Variants in SCML2 observed in about 807,000 individuals in gnomAD.
SCML2 encodes sex comb on midleg-like protein 2.
A neutral mutation model predicts 48.4 loss-of-function variants in SCML2; 6 were observed. That is an observed-to-expected ratio of 0.12 (90% CI 0.07 to 0.24). The LOEUF is 0.24. Ranked by LOEUF, SCML2 falls within the 10% of genes least tolerant of loss-of-function variation. The probability of loss-of-function intolerance (pLI) is 1.00; values close to 1 mark genes in which losing one functional copy is unlikely to be tolerated. For missense variants in SCML2, 377 were observed against 528.2 expected (o/e 0.71, Z 2.81); for synonymous variants, 181 against 189.5 (o/e 0.95, Z 0.37).
At chrX:18,329,939 G>A (rs1362172280) in intron 3 of SCML2, among the ~76,000 whole-genome samples, 12 of 111,913 alleles carry the variant, frequency 1.1e-4, no homozygotes, top group South Asian at 7.5e-4. Context: ...CTAGCCAGGC[G>A]TGGTGGTGCA....
intron 3 of SCML2, among the ~76,000 whole-genome samples, chrX:18,325,395 T>C (rs1929449131): frequency 3.6e-5 from 4 of 111,961 alleles, no homozygotes; most frequent in Admixed American, 2.9e-4. Flanking sequence ...TTGTTATTCA[T>C]GGGGAGCTAA....
chrX:18,251,752 T>C (rs1051583693), intron 11 of SCML2, among the ~76,000 whole-genome samples: 1 of 112,352 alleles, frequency 8.9e-6, no homozygotes. Flanking sequence ...GAGTTAACCA[T>C]ATGACCCAAC....
At chrX:18,241,514 T>C (rs1198129229) in intron 14 of SCML2, 135 bp from the exon 15 acceptor site, 4 of 380,105 alleles carry the variant, frequency 1.1e-5, no homozygotes, top group Non-Finnish European at 1.7e-5. Context: ...CTGAAAACTA[T>C]TAAAAATATA....
At chrX:18,243,084 GTTTT>G (rs1327490117) in intron 13 of SCML2, among the ~76,000 whole-genome samples, 1 of 111,124 alleles carries the variant, frequency 9.0e-6, no homozygotes, top group African/African-American at 3.3e-5. Flanking sequence ...TGTTGTTTTG[GTTTT>G]TTTGAGACAG....
rs766335036 is a variant in SCML2, at chrX:18,242,408, G to A, written c.1974+31C>T. ...CACAGAGGTCATTCAAAGGCATTACGGCAGGAAAACCGGATCAAAAGATAC... is the reference window on the plus strand; with the variant it reads ...CACAGAGGTCATTCAAAGGCATTACAGCAGGAAAACCGGATCAAAAGATAC... On this transcript the variant is annotated intron_variant, in intron 14 of 14. Transcript: ENST00000251900. 1.1e-5 allele frequency: 13 copies of A among 1,162,863 alleles called. No homozygotes were observed. The East Asian group carries it at 2.5e-4, about 22-fold the overall frequency.
At chrX:18,335,163 C>T (rs1267176142) in intron 1 of SCML2, among the ~76,000 whole-genome samples, 1 of 110,396 alleles carries the variant, frequency 9.1e-6, no homozygotes, top group Admixed American at 9.7e-5. Context: ...AGTGAAGGTA[C>T]TTACCGACTC....
intron 1 of SCML2, among the ~76,000 whole-genome samples, chrX:18,336,473 A>G (rs937392303): frequency 9.5e-6 from 1 of 105,748 alleles, no homozygotes; most frequent in African/African-American, 3.5e-5. Context: ...ACGGTAGCTC[A>G]TGCCTGTAAT....
chrX:18,284,195 C>T (rs748138523), intron 7 of SCML2, among the ~76,000 whole-genome samples: 4 of 111,976 alleles, frequency 3.6e-5, no homozygotes, highest in African/African-American at 9.7e-5. Flanking sequence ...AATGGTGCTG[C>T]GATAAGTGGC....
At chrX:18,351,269 C>CAA (rs377260885) in intron 1 of SCML2, among the ~76,000 whole-genome samples, 3 of 90,872 alleles carry the variant, frequency 3.3e-5, no homozygotes, top group African/African-American at 7.9e-5. Context: ...GAGCCCATCT[C>CAA]AAAAAAAAAA....
At chrX:18,308,648 T>C (rs1476802318) in intron 6 of SCML2, among the ~76,000 whole-genome samples, 1 of 110,281 alleles carries the variant, frequency 9.1e-6, no homozygotes, top group East Asian at 2.9e-4. Flanking sequence ...CAAATGTTGG[T>C]GAGAAAGCAT....
chrX:18,339,112 C>T (rs1301830502), intron 1 of SCML2, among the ~76,000 whole-genome samples: 1 of 110,804 alleles, frequency 9.0e-6, no homozygotes, highest in Non-Finnish European at 1.9e-5. Context: ...TATGTTCCAA[C>T]TTGGATTTCC....
chrX:18,242,586 T>C lies in SCML2; in HGVS notation c.1827A>G (p.Pro609=). 8.3e-7 allele frequency: 1 copy of C among 1,203,421 alleles called. No homozygotes were observed. Among genetic ancestry groups the C allele is most frequent in the Admixed American group, 2.3e-5 (1 of 43,817 alleles). ...KFQMQRKSEA[P]SYIAVPDPSV... is the part of the protein sequence containing the mutation. ...TGGGATCAGGTACAGCTATATAACTTGGAGCTTCAATGGGGGGGAAAAAAG... is the reference window on the plus strand; with the variant it reads ...TGGGATCAGGTACAGCTATATAACTCGGAGCTTCAATGGGGGGGAAAAAAG... The change falls in exon 14 of 15, where the codon CCA becomes CCG. Residue 609 remains proline, a synonymous_variant. Transcript: ENST00000251900.
chrX:18,314,558 C>T (rs1484029776), intron 6 of SCML2, among the ~76,000 whole-genome samples: 1 of 111,890 alleles, frequency 8.9e-6, no homozygotes, highest in Non-Finnish European at 1.9e-5. Flanking sequence ...AGAGACACCT[C>T]AACACGTTCA....
intron 5 of SCML2, among the ~76,000 whole-genome samples, chrX:18,322,294 A>C (rs1405063739): frequency 8.9e-6 from 1 of 112,293 alleles, no homozygotes; most frequent in Non-Finnish European, 1.9e-5. Flanking sequence ...AACAAAGTCT[A>C]AGAATTTTAT....
Position 18,354,470 on chromosome X carries a change from G to A in SCML2, c.-25+122C>T, listed in dbSNP as rs1033188138. The A allele has an allele frequency of 7.9e-5, 18 of 227,931 alleles. No homozygotes were observed. In the East Asian group the frequency reaches 1.2e-3, roughly 15 times the overall value. The allele number at this position is 227,931 out of a possible 1,213,427, so 18.8% of individuals were successfully genotyped here. ...GATGGGACATAGGCGGGATCGTAAG[G>A]GGGCGTTCCTCGCACGGGACGCGCG... On this transcript the variant is annotated intron_variant, in intron 1 of 14. Transcript: ENST00000251900.
chrX:18,260,069 T>C lies in SCML2; in HGVS notation c.1069+102A>G, dbSNP rs190259887. 1.3e-5 allele frequency: 7 copies of C among 543,405 alleles called. No individual in the cohort carries two copies. In the Admixed American group the frequency reaches 2.9e-4, roughly 22 times the overall value. 44.8% of individuals were successfully genotyped at this position (543,405 alleles called of 1,213,427 possible). A position where few individuals can be genotyped will look rare whatever the true frequency, so the allele number is the denominator to read the frequency against. On this transcript the variant is annotated intron_variant, in intron 9 of 14. Transcript: ENST00000251900. Reference sequence around the variant, plus strand: ...CAAAGATAAATGTTTAATATTACCATCTTTTTCCCTTATTATTTTATTTCC... The same window carrying C: ...CAAAGATAAATGTTTAATATTACCACCTTTTTCCCTTATTATTTTATTTCC...
Position 18,257,004 on chromosome X carries a change from T to C in SCML2, c.1300A>G (p.Ile434Val), listed in dbSNP as rs768727257. The C allele has an allele frequency of 8.4e-7, 1 of 1,190,071 alleles. No homozygotes were observed. Among genetic ancestry groups the C allele is most frequent in the South Asian group, 1.9e-5 (1 of 51,853 alleles). Reference sequence around the variant, plus strand: ...GCACTGTTCACTGGAGGGAGCTGGATGGAATGAGTTTCCCCATCAAAGGAG... The same window carrying C: ...GCACTGTTCACTGGAGGGAGCTGGACGGAATGAGTTTCCCCATCAAAGGAG... ...TASFDGETHS[I>V]QLPPVNSASF... Residue 434 changes from isoleucine to valine, a missense_variant, in exon 11 of 15, where the codon ATC becomes GTC. Physicochemically the swap from Ile to Val is conservative, Grantham distance 29. Transcript: ENST00000251900.
intron 12 of SCML2, 64 bp downstream of exon 12, chrX:18,247,705 G>A: frequency 8.2e-6 from 7 of 853,648 alleles, no homozygotes; most frequent in Non-Finnish European, 1.2e-5. Flanking sequence ...CACCCCAAGA[G>A]TATACATAAG....
chrX:18,264,705 C>A (rs1297702064), intron 8 of SCML2, among the ~76,000 whole-genome samples: 2 of 111,149 alleles, frequency 1.8e-5, no homozygotes, highest in African/African-American at 6.5e-5. Flanking sequence ...ATTGTTATTT[C>A]TTTTGTTTAG....
Sources: allele counts gnomAD v4.1 joint callset (sites outside exome capture counted in the v4.1 genomes callset), GRCh38; gene constraint gnomAD v4.1.1; transcripts MANE v1.5; gene names NCBI Gene and HGNC (gene_info 2026-07-23, HGNC 2026-07-21).